The following ERO1B variants were observed in gnomAD, a reference collection of about 807,000 sequenced individuals.
The protein encoded by ERO1B is endoplasmic reticulum oxidoreductase 1 beta, also known as ERO1-like protein beta.
A neutral mutation model predicts 75.3 loss-of-function variants in ERO1B; 49 were observed. That is an observed-to-expected ratio of 0.65 (90% CI 0.52 to 0.83). The LOEUF is 0.83. Ranked by LOEUF, ERO1B falls within the 40% of genes least tolerant of loss-of-function variation. ERO1B has a pLI of 0.00. For missense variants in ERO1B, 512 were observed against 560.1 expected, an observed-to-expected ratio of 0.91 and a Z score of 0.87; for synonymous variants, 191 against 192.9, an observed-to-expected ratio of 0.99 and a Z score of 0.08.
At position 236,281,664 on chromosome 1, in the gene ERO1B, G is replaced by A. The variant is rs750747425; in HGVS notation, c.102+18C>T. ...GTGTTCGGCCGGGGGTTCCCGGCCCGCTATCACTCGGGCTTACCTGCGCCT... is the reference window on the plus strand; with the variant it reads ...GTGTTCGGCCGGGGGTTCCCGGCCCACTATCACTCGGGCTTACCTGCGCCT... On this transcript the variant is annotated intron_variant, in intron 1 of 15. Coordinates refer to ENST00000354619, the MANE Select transcript of ERO1B (RefSeq NM_019891.4). 7.1e-7 allele frequency: 1 copy of A among 1,405,264 alleles called. No individual in the cohort carries two copies. The highest frequency in any genetic ancestry group is 2.2e-4 in the Middle Eastern group (1 of 4,520). The allele number at this position is 1,405,264 out of a possible 1,614,324, so 87.0% of individuals were successfully genotyped here.
intron 2 of ERO1B, among the ~76,000 whole-genome samples, chr1:236,259,345 A>G (rs1665238058): frequency 1.3e-5 from 2 of 152,210 alleles, no homozygotes; most frequent in Non-Finnish European, 2.9e-5. Context: ...ACAGATTAAC[A>G]AAAAAAGCAA....
chr1:236,274,439 A>G (rs959733000), intron 1 of ERO1B, among the ~76,000 whole-genome samples: 1 of 152,150 alleles, frequency 6.6e-6, no homozygotes, highest in Non-Finnish European at 1.5e-5. Flanking sequence ...ATGTCTATTT[A>G]TATCTTTGAT....
At chr1:236,224,888 G>A (rs954281889) in intron 13 of ERO1B, among the ~76,000 whole-genome samples, 182 bp downstream of exon 13, 1 of 152,142 alleles carries the variant, frequency 6.6e-6, no homozygotes, top group African/African-American at 2.4e-5. Flanking sequence ...GATTCACTAA[G>A]CAGTTGGTCA....
intron 2 of ERO1B, among the ~76,000 whole-genome samples, chr1:236,262,792 T>C (rs559640837): frequency 6.6e-6 from 1 of 152,250 alleles, no homozygotes; most frequent in Non-Finnish European, 1.5e-5. Flanking sequence ...TGGTAGACAC[T>C]GTAACATACT....
At chr1:236,245,209 G>A (rs1388474265) in intron 5 of ERO1B, among the ~76,000 whole-genome samples, 1 of 145,750 alleles carries the variant, frequency 6.9e-6, no homozygotes. Flanking sequence ...TGCCCAGGCT[G>A]GTCTCAAACT....
chr1:236,235,678 C>G, intron 8 of ERO1B, 111 bp downstream of exon 8: 1 of 927,192 alleles, frequency 1.1e-6, no homozygotes, highest in Non-Finnish European at 1.6e-6. Context: ...TTTTGTTCAT[C>G]ATTCAAATTA....
intron 2 of ERO1B, among the ~76,000 whole-genome samples, chr1:236,269,130 A>T (rs144913723): frequency 0.012 from 1,804 of 151,360 alleles, 37 homozygotes; most frequent in African/African-American, 0.042. Flanking sequence ...AGCTACTCAG[A>T]AGGCTGAAGC....
intron 6 of ERO1B, among the ~76,000 whole-genome samples, chr1:236,239,809 G>GTGTATATATATATATGTGTATATATA (rs1664639831): frequency 1.1e-4 from 5 of 47,262 alleles, no homozygotes; most frequent in Admixed American, 2.3e-4. Context: ...ATATATATGT[G>GTGTATATATATATATGTGTATATATA]TGTATATATA....
chr1:236,219,656 C>G (rs1034966145), intron 15 of ERO1B, among the ~76,000 whole-genome samples: 1 of 152,012 alleles, frequency 6.6e-6, no homozygotes, highest in Admixed American at 6.6e-5. Flanking sequence ...TATATCTATC[C>G]TGTGTCTGAA....
chr1:236,260,953 G>T (rs12136146), intron 2 of ERO1B, among the ~76,000 whole-genome samples: 1 of 151,944 alleles, frequency 6.6e-6, no homozygotes, highest in Non-Finnish European at 1.5e-5. Flanking sequence ...ATAGTAAAAA[G>T]ATCACTCACC....
Position 236,253,459 on chromosome 1 carries a change from C to T in ERO1B, c.269G>A (p.Cys90Tyr). The T allele has an allele frequency of 6.2e-7, 1 of 1,611,176 alleles. No individual in the cohort carries two copies. Among genetic ancestry groups the T allele is most frequent in the South Asian group, 1.1e-5 (1 of 90,556 alleles). Residue 90 changes from cysteine to tyrosine, a missense_variant, in exon 3 of 16, where the codon TGT becomes TAT. Cys to Tyr is a radical substitution (Grantham distance 194, BLOSUM62 -2). Transcript: ENST00000354619. Reference sequence around the variant, plus strand: ...CTCCACATGACAGTCTTTTATTGAACAGTGGCCATCTTCTGCCCAGAAAGG... The same window carrying T: ...CTCCACATGACAGTCTTTTATTGAATAGTGGCCATCTTCTGCCCAGAAAGG... ...PCPFWAEDGHCSIKDCHVEPC... is the reference protein window; with the variant it reads ...PCPFWAEDGHYSIKDCHVEPC...
At chr1:236,273,251 CA>C (rs894420631) in intron 1 of ERO1B, among the ~76,000 whole-genome samples, 116 of 152,250 alleles carry the variant, frequency 7.6e-4, no homozygotes, top group African/African-American at 2.5e-3. Context: ...AAAATCATGA[CA>C]ATACCTAGAA....
intron 2 of ERO1B, among the ~76,000 whole-genome samples, chr1:236,268,702 T>C (rs1254189): frequency 0.36 from 54,497 of 151,164 alleles, 10,366 homozygotes; most frequent in Non-Finnish European, 0.43. Context: ...CTGGCTAACA[T>C]GGTGAAACCC....
Position 236,226,466 on chromosome 1 carries a change from G to T in ERO1B, c.855C>A (p.His285Gln), listed in dbSNP as rs747113751. Residue 285 changes from histidine (H) to glutamine (Q), a missense_variant, in exon 12 of 16, where the codon CAC (histidine) becomes CAA (glutamine). By Grantham distance (24) the His-to-Gln change is conservative. Coordinates refer to ENST00000354619, the MANE Select transcript of ERO1B (RefSeq NM_019891.4). ...SWGPNIKEFK[H>Q]RFDPVETKGE... ...CCTTGGTTTCCACAGGGTCAAAGCG[G>T]TGTTTGAATTCTTTAATATTAGGTC... The T allele has an allele frequency of 1.9e-6, 3 of 1,614,078 alleles. No homozygotes were observed. The highest frequency in any genetic ancestry group is 2.5e-6 in the Non-Finnish European group (3 of 1,180,012).
Position 236,217,502 on chromosome 1 carries a change from A to T in ERO1B, c.*1014T>A, listed in dbSNP as rs1664020123. ...TTTATATATCCTGTCAGGGAAAAGC[A>T]CACTGAGTTCGAGGATTGCATAGAT... On this transcript the variant is annotated 3_prime_UTR_variant, in exon 16 of 16. Transcript: ENST00000354619. 6.6e-6 allele frequency: 1 copy of T among 152,600 alleles called. No homozygotes were observed. Among genetic ancestry groups the T allele is most frequent in the South Asian group, 2.1e-4 (1 of 4,836 alleles). 9.5% of individuals were successfully genotyped at this position (152,600 alleles called of 1,614,324 possible).
chr1:236,268,811 G>A (rs1349683959), intron 2 of ERO1B, among the ~76,000 whole-genome samples: 1 of 151,554 alleles, frequency 6.6e-6, no homozygotes, highest in African/African-American at 2.4e-5. Flanking sequence ...GTGTGAACCT[G>A]GGAAGTAGAG....
chr1:236,269,968 C>T lies in ERO1B; in HGVS notation c.129G>A (p.Leu43=). 1 of 1,602,668 alleles carries T rather than the reference C, an allele frequency of 6.2e-7. No homozygotes were observed. The highest frequency in any genetic ancestry group is 8.5e-7 in the Non-Finnish European group (1 of 1,170,690). ...AGTTATCGATGCTGTCAATATCACA[C>T]AAGCAATCATCCAGAACTCCAGTGA... ...AQVTGVLDDC[L]CDIDSIDNFN... The change falls in exon 2 of 16, where the codon TTG becomes TTA. Residue 43 remains leucine (L), a synonymous_variant. Transcript: ENST00000354619.
rs1435250421 is a variant in ERO1B, at chr1:236,239,811, G to GTA, written c.506-3415_506-3414dup. On this transcript the variant is annotated intron_variant, in intron 6 of 15. Coordinates refer to ENST00000354619, the MANE Select transcript of ERO1B (RefSeq NM_019891.4). ...CAAGTATATATATATATATATGTGTGTATATATATATGTGTATATATATGT... is the reference window on the plus strand; with the variant it reads ...CAAGTATATATATATATATATGTGTGTATATATATATATGTGTATATATATGT... Among the ~76,000 whole-genome samples the GTA allele has an allele frequency of 3.5e-4, 21 of 59,600 alleles. 1 individual carries two copies. Among genetic ancestry groups the GTA allele is most frequent in the East Asian group, 2.8e-3 (8 of 2,816 alleles). The allele number at this position is 59,600 out of a possible 152,430, so 39.1% of individuals were successfully genotyped here. A position where few individuals can be genotyped will look rare whatever the true frequency, so the allele number is the denominator to read the frequency against.
chr1:236,253,591 G>T, intron 2 of ERO1B, 86 bp from the exon 3 acceptor site: 1 of 826,966 alleles, frequency 1.2e-6, no homozygotes, highest in Non-Finnish European at 2.0e-6. Context: ...CCAGTGACAT[G>T]GTGGTGAATA....
Sources: gnomAD v4.1 joint callset for allele counts (sites outside exome capture counted in the v4.1 genomes callset) on GRCh38, gnomAD v4.1.1 for gene constraint, MANE v1.5 for transcripts, NCBI Gene and HGNC (gene_info 2026-07-23, HGNC 2026-07-21) for gene names.